The following PRSS55 variants were observed in gnomAD, a reference collection of about 807,000 sequenced individuals.
PRSS55 encodes serine protease 55, also known as probable serine protease UNQ9391/PRO34284.
In PRSS55, 41 loss-of-function variants were observed where a neutral mutation model predicts 23.6. That is an observed-to-expected ratio of 1.74 (90% confidence interval 1.35 to 2.26). The LOEUF (loss-of-function observed/expected upper bound fraction) is 2.26, where lower values mean the gene tolerates loss of function less well. Ranked by LOEUF, PRSS55 falls within the 30% of genes most tolerant of loss-of-function variation. PRSS55 has a pLI of 0.00. For synonymous variants in PRSS55, 262 were observed against 175.5 expected (o/e 1.49, Z -3.90); for missense variants, 669 against 439.1 (o/e 1.52, Z -4.68).
chr8:10,547,513 C>T (rs987500907), intron 4 of PRSS55: 5 of 153,032 alleles, frequency 3.3e-5, no homozygotes, highest in African/African-American at 9.6e-5. Flanking sequence ...CGGCCTCAGC[C>T]TCCTGCCTTC....
chr8:10,530,059 G>A (rs1167817176), intron 2 of PRSS55, among the ~76,000 whole-genome samples: 1 of 152,224 alleles, frequency 6.6e-6, no homozygotes, highest in African/African-American at 2.4e-5. Flanking sequence ...CTGACTTCCT[G>A]GGCCACCTGA....
Position 10,529,587 on chromosome 8 carries a change from T to C in PRSS55, c.235T>C (p.Phe79Leu). 3 of 1,614,052 alleles carry C rather than the reference T, an allele frequency of 1.9e-6. No homozygotes were observed. The highest frequency in any genetic ancestry group is 2.5e-6 in the Non-Finnish European group (3 of 1,179,978). The change falls in exon 2 of 5, where the codon TTT (phenylalanine) becomes CTT (leucine). Residue 79 changes from phenylalanine to leucine, a missense_variant. Physicochemically the swap from Phe to Leu is conservative, Grantham distance 22 (BLOSUM62 0). Coordinates refer to ENST00000328655, the MANE Select transcript of PRSS55 (RefSeq NM_198464.4). ...TGGMEAEVGE[F>L]PWQVSIQARS... ...GGGGATGGAGGCGGAGGTGGGTGAG[T>C]TTCCGTGGCAGGTGAGTATTCAGGC...
chr8:10,528,683 G>A (rs1012103982), intron 1 of PRSS55, among the ~76,000 whole-genome samples: 1 of 152,158 alleles, frequency 6.6e-6, no homozygotes. Context: ...GTTTCTTAGG[G>A]CTGCTGAAAT....
downstream of PRSS55, among the ~76,000 whole-genome samples, chr8:10,541,966 G>T (rs1812668553): frequency 6.6e-6 from 1 of 152,050 alleles, no homozygotes; most frequent in Non-Finnish European, 1.5e-5. Context: ...TGTAGAGATG[G>T]GAGTTTCACT....
chr8:10,534,063 C>A (rs1812369044), intron 4 of PRSS55, among the ~76,000 whole-genome samples: 1 of 151,620 alleles, frequency 6.6e-6, no homozygotes, highest in Non-Finnish European at 1.5e-5. Flanking sequence ...ACTGTGGGGA[C>A]CAAAAAGACA....
downstream of PRSS55, among the ~76,000 whole-genome samples, chr8:10,542,280 A>C (rs1031783558): frequency 1.3e-5 from 2 of 152,214 alleles, no homozygotes; most frequent in African/African-American, 4.8e-5. Context: ...AGACACACAG[A>C]GACATCTGTT....
chr8:10,546,980 C>A (rs1374618737), intron 4 of PRSS55, among the ~76,000 whole-genome samples: 1 of 152,184 alleles, frequency 6.6e-6, no homozygotes, highest in Non-Finnish European at 1.5e-5. Context: ...CGGTGTCCGA[C>A]CCAGCCCTCA....
intron 1 of PRSS55, 79 bp from the exon 2 acceptor site, chr8:10,529,428 C>T (rs1339359532): frequency 6.9e-7 from 1 of 1,459,216 alleles, no homozygotes; most frequent in Admixed American, 1.7e-5. Flanking sequence ...GCCTGCTCCT[C>T]CCAGCCCGGT....
chr8:10,538,571 G>A lies in PRSS55; in HGVS notation c.837G>A (p.Lys279=), dbSNP rs771429634. The change falls in exon 5 of 5, where the codon AAG becomes AAA. Residue 279 remains lysine, a synonymous_variant. Transcript: ENST00000328655. ...IISWGKSCGE[K]NTPGIYTSLV... ...GCTGGGGAAAGAGCTGTGGAGAGAA[G>A]AACACCCCAGGGATATACACCTCGT... 6.2e-7 allele frequency: 1 copy of A among 1,614,140 alleles called. No individual in the cohort carries two copies. Among genetic ancestry groups the A allele is most frequent in the Admixed American group, 1.7e-5 (1 of 60,022 alleles).
downstream of PRSS55, among the ~76,000 whole-genome samples, chr8:10,542,266 A>G (rs80352371): frequency 2.0e-5 from 3 of 152,278 alleles, no homozygotes; most frequent in East Asian, 5.8e-4. Flanking sequence ...TGTGGGGACA[A>G]AACAGACACA....
intron 2 of PRSS55, among the ~76,000 whole-genome samples, chr8:10,530,119 G>T (rs1388684537): frequency 1.3e-5 from 2 of 152,236 alleles, no homozygotes; most frequent in African/African-American, 4.8e-5. Flanking sequence ...GACAGCATGT[G>T]GATGGATGCC....
At chr8:10,531,621 G>C (rs1812270660) in intron 3 of PRSS55, 76 bp downstream of exon 3, 2 of 1,570,168 alleles carry the variant, frequency 1.3e-6, no homozygotes, top group Non-Finnish European at 1.7e-6. Flanking sequence ...TAAGGAAGGA[G>C]TGAGGACAAG....
At chr8:10,536,083 G>C (rs972815056) in intron 4 of PRSS55, among the ~76,000 whole-genome samples, 2 of 152,134 alleles carry the variant, frequency 1.3e-5, no homozygotes, top group African/African-American at 4.8e-5. Context: ...CTACTCGGGG[G>C]GCTGAGGCAG....
chr8:10,553,924 T>A, intron 4 of PRSS55: 1 of 1,472,488 alleles, frequency 6.8e-7, no homozygotes, highest in Non-Finnish European at 9.0e-7. Context: ...AATTTGTCAA[T>A]TTAATTTTTT....
chr8:10,539,153 C>T (rs1021912220), downstream of PRSS55, among the ~76,000 whole-genome samples: 6 of 151,978 alleles, frequency 3.9e-5, no homozygotes, highest in Admixed American at 1.3e-4. Context: ...TGACTGTTGT[C>T]TGTGGCCATT....
downstream of PRSS55, among the ~76,000 whole-genome samples, chr8:10,539,400 T>G (rs986825550): frequency 5.3e-5 from 8 of 152,198 alleles, no homozygotes; most frequent in Non-Finnish European, 1.2e-4. Context: ...TCACATGGTG[T>G]TTTACATTAC....
At chr8:10,543,464 CT>C, downstream of PRSS55, among the ~76,000 whole-genome samples, 2 of 99,072 alleles carry the variant, frequency 2.0e-5, 1 homozygote, top group African/African-American at 9.2e-5. Context: ...TCCTTCCTTC[CT>C]TTCTTTCTTT....
intron 4 of PRSS55, among the ~76,000 whole-genome samples, chr8:10,550,167 C>T (rs868404365): frequency 2.0e-5 from 3 of 152,180 alleles, no homozygotes; most frequent in African/African-American, 4.8e-5. Context: ...AGGTGATCCA[C>T]CCACCTCGGC....
chr8:10,527,312 A>C (rs77351543), intron 1 of PRSS55, among the ~76,000 whole-genome samples: 1 of 152,180 alleles, frequency 6.6e-6, no homozygotes, highest in South Asian at 2.1e-4. Context: ...TGCAGTGAAC[A>C]TCATCAGATG....
Sources: allele counts gnomAD v4.1 joint callset (sites outside exome capture counted in the v4.1 genomes callset), GRCh38; gene constraint gnomAD v4.1.1; transcripts MANE v1.5; gene names NCBI Gene and HGNC (gene_info 2026-07-23, HGNC 2026-07-21).